Variants in RHEX observed in about 807,000 individuals in gnomAD.
RHEX encodes regulator of hemoglobinization and erythroid cell expansion protein.
RHEX carries 18 observed loss-of-function variants against 20.1 expected under a neutral mutation model. That is an observed-to-expected ratio of 0.90 (90% CI 0.62 to 1.33). The LOEUF is 1.33. Ranked by LOEUF, RHEX falls within the 40% of genes most tolerant of loss-of-function variation. The pLI, the probability that RHEX is intolerant of heterozygous loss-of-function variation, is 0.00. For missense variants in RHEX, 192 were observed against 214.3 expected (o/e 0.90, Z 0.65); for synonymous variants, 87 against 77.1 (o/e 1.13, Z -0.67).
At chr1:206,094,825 T>C (rs956076219) in intron 1 of RHEX, among the ~76,000 whole-genome samples, 19 of 152,184 alleles carry the variant, frequency 1.2e-4, no homozygotes, top group African/African-American at 3.6e-4. Flanking sequence ...ACGCTCTGAG[T>C]ATATGCTCAG....
chr1:206,083,229 G>A (rs1662772411), intron 1 of RHEX, among the ~76,000 whole-genome samples: 1 of 152,246 alleles, frequency 6.6e-6, no homozygotes, highest in African/African-American at 2.4e-5. Context: ...CTGAGCTCAT[G>A]TGGCACATTG....
At chr1:206,078,251 C>T (rs183532227) in intron 1 of RHEX, among the ~76,000 whole-genome samples, 53 of 152,102 alleles carry the variant, frequency 3.5e-4, no homozygotes, top group African/African-American at 1.2e-3. Context: ...TTTAAAGTTA[C>T]GTAACAGGCT....
intron 1 of RHEX, among the ~76,000 whole-genome samples, chr1:206,090,021 G>C (rs1223607394): frequency 6.6e-6 from 1 of 151,638 alleles, no homozygotes; most frequent in Non-Finnish European, 1.5e-5. Flanking sequence ...TCCCTTACAG[G>C]TAGCTAACCC....
chr1:206,063,933 A>G (rs1553283727), intron 1 of RHEX, among the ~76,000 whole-genome samples: 1 of 140,708 alleles, frequency 7.1e-6, no homozygotes, highest in Non-Finnish European at 1.5e-5. Context: ...CCGCCATCCC[A>G]TCTGGGAAGT....
At chr1:206,058,408 T>C (rs754468502) in intron 1 of RHEX, among the ~76,000 whole-genome samples, 1 of 152,248 alleles carries the variant, frequency 6.6e-6, no homozygotes. Flanking sequence ...TGATAAAAAG[T>C]GAGAGTCTCA....
At chr1:206,075,796 T>G (rs1304315600) in intron 1 of RHEX, among the ~76,000 whole-genome samples, 2 of 152,098 alleles carry the variant, frequency 1.3e-5, no homozygotes, top group East Asian at 3.9e-4. Context: ...GAGACAGGGT[T>G]TCACCATGTT....
At chr1:206,060,973 G>A (rs1374289718) in intron 1 of RHEX, 1 of 152,052 alleles carries the variant, frequency 6.6e-6, no homozygotes, top group African/African-American at 2.4e-5. Context: ...GAGATATGAA[G>A]ATAAGACCTC....
At chr1:206,072,203 A>G (rs1240426938) in intron 1 of RHEX, among the ~76,000 whole-genome samples, 2 of 152,244 alleles carry the variant, frequency 1.3e-5, no homozygotes, top group Non-Finnish European at 2.9e-5. Context: ...GAAAGGACAC[A>G]TTCAATGTAC....
At chr1:206,098,416 C>T (rs2102330072) in intron 3 of RHEX, 1 of 513,816 alleles carries the variant, frequency 1.9e-6, no homozygotes, top group East Asian at 3.3e-5. Context: ...CCATCCACAT[C>T]CGTCTACTAC....
At chr1:206,078,135 T>G (rs1662669327) in intron 1 of RHEX, among the ~76,000 whole-genome samples, 1 of 152,226 alleles carries the variant, frequency 6.6e-6, no homozygotes. Context: ...ATCCCCAAGA[T>G]ATCTCATTAT....
chr1:206,075,756 C>T (rs903969703), intron 1 of RHEX, among the ~76,000 whole-genome samples: 3 of 152,022 alleles, frequency 2.0e-5, no homozygotes, highest in Non-Finnish European at 2.9e-5. Flanking sequence ...CCCACCACTA[C>T]GCCCGGCTAA....
Position 206,097,836 on chromosome 1 carries a change from C to G in RHEX, c.8C>G (p.Thr3Arg). 2 of 1,605,174 alleles carry G rather than the reference C, an allele frequency of 1.2e-6. No homozygotes were observed. Among genetic ancestry groups the G allele is most frequent in the Non-Finnish European group, 1.7e-6 (2 of 1,172,082 alleles). ML[T>R]EVMEVWHGLV... ...ATCAGCAAGGAGCTCATCATGCTGACAGAGTGAGTGGGCCCAACAAGAGCA... is the reference window on the plus strand; with the variant it reads ...ATCAGCAAGGAGCTCATCATGCTGAGAGAGTGAGTGGGCCCAACAAGAGCA... The change falls in exon 2 of 6, where the codon ACA (threonine) becomes AGA (arginine). Residue 3 changes from threonine (T) to arginine (R), a missense_variant. Coordinates refer to ENST00000331555, the MANE Select transcript of RHEX (RefSeq NM_001007544.4).
chr1:206,064,684 C>T (rs1662386698), intron 1 of RHEX, among the ~76,000 whole-genome samples: 1 of 150,506 alleles, frequency 6.6e-6, no homozygotes, highest in Admixed American at 6.6e-5. Context: ...GGCCAGCCGC[C>T]CCATCCGGGA....
chr1:206,089,229 A>T (rs567598348), intron 1 of RHEX, among the ~76,000 whole-genome samples: 1 of 151,524 alleles, frequency 6.6e-6, no homozygotes, highest in African/African-American at 2.4e-5. Context: ...TTTTGTAGAG[A>T]GGGGGATCTC....
chr1:206,058,666 C>T (rs994522930), intron 1 of RHEX, among the ~76,000 whole-genome samples: 2 of 152,166 alleles, frequency 1.3e-5, no homozygotes, highest in African/African-American at 2.4e-5. Context: ...AAACTCCCTG[C>T]CCTGTTCTGT....
intron 3 of RHEX, among the ~76,000 whole-genome samples, 195 bp from the exon 4 acceptor site, chr1:206,099,460 C>T (rs924125596): frequency 5.3e-5 from 8 of 151,920 alleles, no homozygotes; most frequent in East Asian, 1.9e-4. Flanking sequence ...CTGACATTAC[C>T]GGCACGCATC....
Position 206,071,038 on chromosome 1 carries a change from A to G in RHEX, c.-97+17773A>G, listed in dbSNP as rs1038872656. On this transcript the variant is annotated intron_variant, in intron 1 of 5. Transcript: ENST00000331555. ...AGGAGTATTGACTCACACGATCACAAGGTGAAGTCTCACAATAGGCCATCT... is the reference window on the plus strand; with the variant it reads ...AGGAGTATTGACTCACACGATCACAGGGTGAAGTCTCACAATAGGCCATCT... Among the ~76,000 whole-genome samples, 3 of 152,322 alleles carry G rather than the reference A, an allele frequency of 2.0e-5. No individual in the cohort carries two copies. In the South Asian group the frequency reaches 6.2e-4, roughly 32 times the overall value.
At chr1:206,063,770 G>A (rs1266110683) in intron 1 of RHEX, among the ~76,000 whole-genome samples, 2 of 152,162 alleles carry the variant, frequency 1.3e-5, no homozygotes, top group Non-Finnish European at 2.9e-5. Context: ...CGCCTGCCTT[G>A]GCCTCCCAAA....
At chr1:206,054,143 G>A (rs1185637652) in intron 1 of RHEX, among the ~76,000 whole-genome samples, 5 of 151,708 alleles carry the variant, frequency 3.3e-5, no homozygotes, top group African/African-American at 4.9e-5. Context: ...AAAAAAAAGT[G>A]GGGGGAGACA....
Sources: gnomAD v4.1 joint callset for allele counts (sites outside exome capture counted in the v4.1 genomes callset) on GRCh38, gnomAD v4.1.1 for gene constraint, MANE v1.5 for transcripts, NCBI Gene and HGNC (gene_info 2026-07-23, HGNC 2026-07-21) for gene names.